POC5: variants seen among roughly 807,000 people sequenced by gnomAD.
The protein encoded by POC5 is POC5 centriolar protein.
Under a neutral mutation model 62.9 loss-of-function variants are expected in POC5, and 48 were observed. The observed-to-expected ratio is 0.76, with a 90% CI of 0.61 to 0.97. The LOEUF (loss-of-function observed/expected upper bound fraction) is 0.97. Ranked by LOEUF, POC5 falls within the 50% of genes least tolerant of loss-of-function variation. The pLI is 0.00. For missense variants in POC5, 696 were observed against 679.5 expected (o/e 1.02, Z -0.27); for synonymous variants, 236 against 228.2 (o/e 1.03, Z -0.31).
chr5:75,696,043 A>G (rs985362289), intron 5 of POC5: 10 of 152,986 alleles, frequency 6.5e-5, no homozygotes, highest in African/African-American at 2.4e-4. Flanking sequence ...TATATCCCTC[A>G]CCTGGCTCAG....
chr5:75,716,448 TTTC>T (rs899719200), intron 1 of POC5, among the ~76,000 whole-genome samples: 8 of 151,406 alleles, frequency 5.3e-5, no homozygotes, highest in Admixed American at 5.3e-4. Flanking sequence ...TCAAAAATTG[TTTC>T]TTAATATGGA....
At chr5:75,695,550 A>G (rs1048357962) in intron 5 of POC5, among the ~76,000 whole-genome samples, 19 of 152,206 alleles carry the variant, frequency 1.2e-4, no homozygotes, top group African/African-American at 4.3e-4. Context: ...TATAAATGCC[A>G]CAGAACTCAC....
chr5:75,680,268 G>A (rs190636690), intron 10 of POC5, among the ~76,000 whole-genome samples: 176 of 152,256 alleles, frequency 1.2e-3, no homozygotes, highest in African/African-American at 3.9e-3. Context: ...CTTGAGGGGT[G>A]TCCTCTCAGT....
chr5:75,685,135 G>C, intron 10 of POC5, 72 bp downstream of exon 10: 7 of 1,480,258 alleles, frequency 4.7e-6, no homozygotes, highest in Non-Finnish European at 6.4e-6. Context: ...CCAAAGTGCT[G>C]GGATTACAGG....
chr5:75,707,906 G>A lies in POC5; in HGVS notation c.85-31C>T, dbSNP rs142112583. On this transcript the variant is annotated intron_variant, in intron 2 of 11. Coordinates refer to ENST00000428202, the MANE Select transcript of POC5 (RefSeq NM_001099271.2). ...AGAGGCCAATAATCAATAATGTAGT[G>A]TAACAGTTACAATGTTATAATATAT... The A allele has an allele frequency of 3.0e-4, 450 of 1,524,416 alleles. 8 individuals carry two copies. In the East Asian group the frequency reaches 7.6e-3, roughly 26 times the overall value. The allele number at this position is 1,524,416 out of a possible 1,614,324, so 94.4% of individuals were successfully genotyped here.
At chr5:75,701,728 AAAAT>A (rs139286076) in intron 5 of POC5, among the ~76,000 whole-genome samples, 62,792 of 150,442 alleles carry the variant, frequency 0.42, 13,424 homozygotes, top group South Asian at 0.56. Flanking sequence ...AATAATAATA[AAAAT>A]AAATAAATAA....
intron 10 of POC5, 63 bp from the exon 11 acceptor site, chr5:75,678,013 G>T: frequency 7.7e-7 from 1 of 1,299,888 alleles, no homozygotes; most frequent in Non-Finnish European, 1.0e-6. Flanking sequence ...AAAATCTATT[G>T]ATTCCATAAA....
At chr5:75,703,962 T>G (rs992004513) in intron 4 of POC5, among the ~76,000 whole-genome samples, 1 of 152,002 alleles carries the variant, frequency 6.6e-6, no homozygotes, top group Non-Finnish European at 1.5e-5. Context: ...AAGACCAGCC[T>G]GGCCAACATG....
intron 5 of POC5, among the ~76,000 whole-genome samples, chr5:75,699,880 C>T (rs1187877235): frequency 3.3e-5 from 5 of 150,742 alleles, no homozygotes; most frequent in Non-Finnish European, 7.4e-5. Flanking sequence ...TCTCAGGATA[C>T]AAAATCAATG....
intron 1 of POC5, among the ~76,000 whole-genome samples, chr5:75,713,395 G>A (rs1166999688): frequency 1.3e-5 from 2 of 152,272 alleles, no homozygotes; most frequent in South Asian, 2.1e-4. Flanking sequence ...TATGCATAGA[G>A]AATTTGTTGA....
intron 11 of POC5, among the ~76,000 whole-genome samples, chr5:75,676,554 A>G (rs1336029879): frequency 6.6e-6 from 1 of 152,174 alleles, no homozygotes; most frequent in East Asian, 1.9e-4. Flanking sequence ...ACTCGGGAAA[A>G]AAGGATTTAA....
chr5:75,685,131 T>C, intron 10 of POC5, 76 bp downstream of exon 10: 1 of 1,460,320 alleles, frequency 6.8e-7, no homozygotes, highest in South Asian at 1.3e-5. Context: ...CCTCCCAAAG[T>C]GCTGGGATTA....
intron 6 of POC5, among the ~76,000 whole-genome samples, chr5:75,693,768 A>G (rs1220792040): frequency 6.6e-6 from 1 of 152,140 alleles, no homozygotes; most frequent in African/African-American, 2.4e-5. Context: ...CCTCTTCTGA[A>G]CAACACCACT....
chr5:75,694,532 A>T (rs1776477042), intron 6 of POC5, 123 bp downstream of exon 6: 1 of 793,400 alleles, frequency 1.3e-6, no homozygotes, highest in Admixed American at 3.7e-5. Context: ...ATGGCTATGA[A>T]TTTTTCTGTC....
In POC5 at chr5:75,690,559, A is replaced by G. The variant is rs1776286870; in HGVS notation, c.799T>C (p.Tyr267His). 1 of 1,551,996 alleles carries G rather than the reference A, an allele frequency of 6.4e-7. No homozygotes were observed. The highest frequency in any genetic ancestry group is 8.7e-7 in the Non-Finnish European group (1 of 1,150,024). The change falls in exon 8 of 12, where the codon TAT (tyrosine) becomes CAT (histidine). Residue 267 changes from tyrosine to histidine, a missense_variant. Transcript: ENST00000428202. The part of the protein sequence containing the change: ...IGHVRARQDV[Y>H]EGKLADQYYQ... The stretch of plus-strand genomic sequence containing the variant: ...TACTGGTCAGCTAGTTTACCTTCAT[A>G]AACCTAAATAAAAGTAAAATATAAC...
At chr5:75,706,378 A>G (rs1254489139) in intron 3 of POC5, among the ~76,000 whole-genome samples, 1 of 152,246 alleles carries the variant, frequency 6.6e-6, no homozygotes, top group Non-Finnish European at 1.5e-5. Context: ...AGACTTTAAC[A>G]AAGTCTACTT....
rs551909581 is a variant in POC5 at position 75,698,453 on chromosome 5, G to A, written c.514-3622C>T. Among the ~76,000 whole-genome samples the A allele has an allele frequency of 1.8e-3, 269 of 152,096 alleles. 2 individuals are homozygous for A. The highest frequency in any genetic ancestry group is 6.3e-3 in the African/African-American group (262 of 41,488). ...CAACTGCATGGAAACTGAACAACCT[G>A]CTCCTGAATGACTACTGGGTACATA... is the stretch of plus-strand genomic sequence containing the variant. On this transcript the variant is annotated intron_variant, in intron 5 of 11. Transcript: ENST00000428202.
Position 75,702,648 on chromosome 5 carries a change from T to C in POC5, c.470A>G (p.Gln157Arg). The C allele has an allele frequency of 6.2e-7, 1 of 1,613,356 alleles. No homozygotes were observed. The highest frequency in any genetic ancestry group is 8.5e-7 in the Non-Finnish European group (1 of 1,179,674). Residue 157 changes from glutamine to arginine, a missense_variant, in exon 5 of 12, where the codon CAG (glutamine) becomes CGG (arginine). Coordinates refer to ENST00000428202, the MANE Select transcript of POC5 (RefSeq NM_001099271.2). ...AAGATCAAGCACATTTTCCATCTTC[T>C]GAAGGTTTTCATCAGAAACAAGAAA... ...SDFLVSDENL[Q>R]KMENVLDLWS...
intron 2 of POC5, 63 bp from the exon 3 acceptor site, chr5:75,707,938 G>A: frequency 7.2e-7 from 1 of 1,391,464 alleles, no homozygotes; most frequent in Non-Finnish European, 9.7e-7. Context: ...ATATTCAACT[G>A]AATTTGTTTT....
Sources: allele counts gnomAD v4.1 joint callset (sites outside exome capture counted in the v4.1 genomes callset), GRCh38; gene constraint gnomAD v4.1.1; transcripts MANE v1.5; gene names NCBI Gene and HGNC (gene_info 2026-07-23, HGNC 2026-07-21).